The following NLGN1 variants were observed in gnomAD, a reference collection of about 807,000 sequenced individuals.
The protein encoded by NLGN1 is neuroligin-1.
A neutral mutation model predicts 65.5 loss-of-function variants in NLGN1; 12 were observed. The ratio of observed to expected loss-of-function variants is 0.18; its 90% confidence interval spans 0.12 to 0.30. The LOEUF is 0.30. Ranked by LOEUF, NLGN1 falls within the 10% of genes least tolerant of loss-of-function variation. The pLI, the probability that NLGN1 is intolerant of heterozygous loss-of-function variation, is 1.00. For missense variants in NLGN1, 750 were observed against 1,007.1 expected, an observed-to-expected ratio of 0.74 and a Z score of 3.46; for synonymous variants, 350 against 359.5, an observed-to-expected ratio of 0.97 and a Z score of 0.30.
chr3:173,827,244 A>T (rs1186394575), intron 4 of NLGN1, among the ~76,000 whole-genome samples: 1 of 152,090 alleles, frequency 6.6e-6, no homozygotes, highest in Non-Finnish European at 1.5e-5. Context: ...TAAGGGATGA[A>T]TTTGAAGAAG....
At chr3:174,076,682 AGAGAGAGAG>A in intron 4 of NLGN1, among the ~76,000 whole-genome samples, 2 of 41,842 alleles carry the variant, frequency 4.8e-5, no homozygotes, top group African/African-American at 1.9e-4. Context: ...GGGACCATAG[AGAGAGAGAG>A]AGAGAGAGAG....
rs563111554 is a variant in NLGN1 at position 173,958,933 on chromosome 3, G to A, written c.646+151101G>A. Reference sequence around the variant, plus strand: ...ACTGCCCTGAGCATGCACGCACCTGGCCGGGTTGTGACAGTGCCCTAGCTC... The same window carrying A: ...ACTGCCCTGAGCATGCACGCACCTGACCGGGTTGTGACAGTGCCCTAGCTC... On this transcript the variant is annotated intron_variant, in intron 4 of 6. Coordinates refer to ENST00000457714, the Ensembl canonical transcript of NLGN1. Among the ~76,000 whole-genome samples the A allele has an allele frequency of 5.5e-4, 84 of 152,336 alleles. 1 individual carries two copies. The highest frequency in any genetic ancestry group is 1.7e-3 in the African/African-American group (70 of 41,588).
At chr3:173,549,004 G>A (rs1050355713) in intron 2 of NLGN1, among the ~76,000 whole-genome samples, 5 of 151,798 alleles carry the variant, frequency 3.3e-5, no homozygotes, top group Admixed American at 1.3e-4. Flanking sequence ...TACTCCTTAC[G>A]AATTGTGGAT....
At position 173,495,765 on chromosome 3, in the gene NLGN1, C is replaced by T. The variant is rs186230592; in HGVS notation, c.-321+60687C>T. Among the ~76,000 whole-genome samples the T allele has an allele frequency of 2.0e-4, 30 of 149,140 alleles. No homozygotes were observed. The East Asian group carries it at 4.4e-3, about 22-fold the overall frequency. ...TAAGTGTATTATCATAATCAAGATACAGTATATTAAACATCTCCACAAATT... is the reference window on the plus strand; with the variant it reads ...TAAGTGTATTATCATAATCAAGATATAGTATATTAAACATCTCCACAAATT... On this transcript the variant is annotated intron_variant, in intron 2 of 6. Transcript: ENST00000457714.
Position 173,434,309 on chromosome 3 carries a change from G to A in NLGN1, c.-389-701G>A, listed in dbSNP as rs575166736. Reference sequence around the variant, plus strand: ...TATTCTTATTCCTAATATAATACATGAGTTCTTTGTAGTAGTGGTTTTCAA... The same window carrying A: ...TATTCTTATTCCTAATATAATACATAAGTTCTTTGTAGTAGTGGTTTTCAA... On this transcript the variant is annotated intron_variant, in intron 1 of 6. Transcript: ENST00000457714. Among the ~76,000 whole-genome samples, 4 of 152,234 alleles carry A rather than the reference G, an allele frequency of 2.6e-5. No homozygotes were observed. The East Asian group carries it at 7.7e-4, about 29-fold the overall frequency.
chr3:173,502,204 T>C (rs920710682), intron 2 of NLGN1, among the ~76,000 whole-genome samples: 1 of 152,168 alleles, frequency 6.6e-6, no homozygotes, highest in Admixed American at 6.6e-5. Flanking sequence ...TATTTTTCAA[T>C]GTTCAGAAGT....
chr3:173,422,148 C>T (rs11711877), intron 1 of NLGN1, among the ~76,000 whole-genome samples: 16,990 of 125,842 alleles, frequency 0.14, 1,078 homozygotes, highest in African/African-American at 0.24. Context: ...ACTATATATA[C>T]ACACACACAC....
intron 2 of NLGN1, among the ~76,000 whole-genome samples, chr3:173,562,263 A>G (rs545295729): frequency 3.9e-5 from 6 of 152,258 alleles, no homozygotes; most frequent in South Asian, 4.1e-4. Flanking sequence ...AGTGAACTTA[A>G]TTCAACTAAT....
intron 3 of NLGN1, among the ~76,000 whole-genome samples, chr3:173,795,266 T>C (rs1231928099): frequency 6.6e-6 from 1 of 152,132 alleles, no homozygotes; most frequent in Non-Finnish European, 1.5e-5. Context: ...TCACTTCCAA[T>C]ATCTCATTGG....
intron 4 of NLGN1, among the ~76,000 whole-genome samples, chr3:174,094,550 C>G (rs1221745086): frequency 6.6e-6 from 1 of 151,548 alleles, no homozygotes; most frequent in Non-Finnish European, 1.5e-5. Flanking sequence ...ATTTGGTAAT[C>G]ATTCAGACGT....
rs575598133 is a variant in NLGN1 at position 174,002,180 on chromosome 3, T to A, written c.646+194348T>A. 9.5e-4 allele frequency among the ~76,000 whole-genome samples: 144 copies of A among 152,080 alleles called. 1 individual carries two copies. Among genetic ancestry groups the A allele is most frequent in the African/African-American group, 3.1e-3 (130 of 41,498 alleles). Reference sequence around the variant, plus strand: ...TCTTGCTCTGTTGCCCAGGCTGGAGTGCAGTGGCACGATCTCAGCTCAGTG... The same window carrying A: ...TCTTGCTCTGTTGCCCAGGCTGGAGAGCAGTGGCACGATCTCAGCTCAGTG... On this transcript the variant is annotated intron_variant, in intron 4 of 6. Transcript: ENST00000457714.
intron 4 of NLGN1, among the ~76,000 whole-genome samples, chr3:173,833,905 T>C (rs1233382218): frequency 6.6e-6 from 1 of 152,228 alleles, no homozygotes; most frequent in Non-Finnish European, 1.5e-5. Context: ...TTCTGTGTCT[T>C]GTTTCAAAAG....
At chr3:174,206,654 G>A (rs1350585858) in intron 4 of NLGN1, among the ~76,000 whole-genome samples, 1 of 152,144 alleles carries the variant, frequency 6.6e-6, no homozygotes, top group Non-Finnish European at 1.5e-5. Flanking sequence ...TCAGCTACCG[G>A]TAAAATAATT....
At chr3:173,495,499 G>A (rs374500374) in intron 2 of NLGN1, among the ~76,000 whole-genome samples, 18 of 151,028 alleles carry the variant, frequency 1.2e-4, no homozygotes, top group East Asian at 9.7e-4. Context: ...AATGAGTATG[G>A]CCTCTAGTAA....
chr3:173,700,180 G>A (rs566024105), intron 3 of NLGN1, among the ~76,000 whole-genome samples: 2 of 152,256 alleles, frequency 1.3e-5, no homozygotes, highest in African/African-American at 2.4e-5. Context: ...ATTGTTAATT[G>A]TATATCTACA....
At chr3:173,497,417 T>G (rs1730217430) in intron 2 of NLGN1, among the ~76,000 whole-genome samples, 1 of 151,124 alleles carries the variant, frequency 6.6e-6, no homozygotes, top group Non-Finnish European at 1.5e-5. Context: ...AATAAATAAA[T>G]AAATTCTTAT....
chr3:173,752,544 T>G (rs1278815316), intron 3 of NLGN1, among the ~76,000 whole-genome samples: 1 of 152,100 alleles, frequency 6.6e-6, no homozygotes, highest in Non-Finnish European at 1.5e-5. Flanking sequence ...TATCATAGCA[T>G]TAATACTTCT....
intron 4 of NLGN1, among the ~76,000 whole-genome samples, chr3:173,817,357 G>A (rs1437160922): frequency 6.6e-6 from 1 of 152,164 alleles, no homozygotes; most frequent in Non-Finnish European, 1.5e-5. Context: ...TTTAAAAAAT[G>A]TTTTGGTAGG....
rs182265588 is a variant in NLGN1, at chr3:173,476,017, G to A, written c.-321+40939G>A. On this transcript the variant is annotated intron_variant, in intron 2 of 6. Transcript: ENST00000457714. The stretch of plus-strand genomic sequence containing the variant: ...TCAACATTGTATTATGATATTTTAT[G>A]GCTGTAGTTCTCTGGCTACAGTGCC... Among the ~76,000 whole-genome samples the A allele has an allele frequency of 4.6e-5, 7 of 152,232 alleles. No homozygotes were observed. In the East Asian group the frequency reaches 1.2e-3, roughly 25 times the overall value.
Sources: allele counts gnomAD v4.1 joint callset (sites outside exome capture counted in the v4.1 genomes callset), GRCh38; gene constraint gnomAD v4.1.1; transcripts MANE v1.5; gene names NCBI Gene and HGNC (gene_info 2026-07-23, HGNC 2026-07-21).